TMCC1: variants seen among roughly 807,000 people sequenced by gnomAD.
TMCC1 encodes the protein transmembrane and coiled-coil domains protein 1.
A neutral mutation model predicts 52.4 loss-of-function variants in TMCC1; 15 were observed. That is an observed-to-expected ratio of 0.29 (90% confidence interval 0.19 to 0.44). The LOEUF (loss-of-function observed/expected upper bound fraction) is 0.44. Ranked by LOEUF, TMCC1 falls within the 20% of genes least tolerant of loss-of-function variation. The pLI is 1.00. For synonymous variants in TMCC1, 279 were observed against 301.9 expected (o/e 0.92, Z 0.79); for missense variants, 503 against 806.0 (o/e 0.62, Z 4.55).
chr3:129,874,020 A>G (rs941682194), intron 2 of TMCC1, among the ~76,000 whole-genome samples: 1 of 152,208 alleles, frequency 6.6e-6, no homozygotes, highest in Non-Finnish European at 1.5e-5. Context: ...ATATAAATAT[A>G]TATGTACATA....
rs1440397775 is a variant in TMCC1 at position 129,695,113 on chromosome 3, A to AAAG, written c.577-23850_577-23849insCTT. ...CTCTGTCTCAAAAAAAAAAAAAAAA[A>AAAG]AAAAAAAAAAAAATCATAATTAATA... On this transcript the variant is annotated intron_variant, in intron 4 of 6. Coordinates refer to ENST00000393238, the MANE Select transcript of TMCC1 (RefSeq NM_001017395.5). Among the ~76,000 whole-genome samples the AAAG allele has an allele frequency of 1.1e-3, 109 of 103,434 alleles. 1 individual carries two copies. The highest frequency in any genetic ancestry group is 2.9e-3 in the African/African-American group (92 of 31,244). 67.9% of individuals were successfully genotyped at this position (103,434 alleles called of 152,430 possible). A position where few individuals can be genotyped will look rare whatever the true frequency, so the allele number is the denominator to read the frequency against.
intron 2 of TMCC1, among the ~76,000 whole-genome samples, chr3:129,840,867 G>A (rs1393272617): frequency 2.0e-5 from 3 of 152,114 alleles, no homozygotes; most frequent in African/African-American, 7.2e-5. Flanking sequence ...ATAGCAGTGT[G>A]AAAATGGACT....
At chr3:129,803,832 AATT>A (rs1263635150) in intron 4 of TMCC1, among the ~76,000 whole-genome samples, 1 of 152,134 alleles carries the variant, frequency 6.6e-6, no homozygotes, top group Non-Finnish European at 1.5e-5. Flanking sequence ...TAAAAAAAAT[AATT>A]ATTTTAAAAT....
At chr3:129,784,172 T>G (rs1375733070) in intron 4 of TMCC1, among the ~76,000 whole-genome samples, 1 of 152,184 alleles carries the variant, frequency 6.6e-6, no homozygotes, top group African/African-American at 2.4e-5. Context: ...AAACTTTTTT[T>G]TTTAGCAGCT....
At chr3:129,738,214 T>C (rs976362710) in intron 4 of TMCC1, among the ~76,000 whole-genome samples, 4 of 138,968 alleles carry the variant, frequency 2.9e-5, no homozygotes, top group African/African-American at 1.1e-4. Context: ...GAGGTTGCAG[T>C]GAGCCGAGAT....
rs111525046 is a variant in TMCC1, at chr3:129,659,198, C to T, written c.1512-4095G>A. ...CACTGCAGCCTCAAATTCCAGAGCT[C>T]AAGGGATCCTCCCACCTCAGCCTTC... On this transcript the variant is annotated intron_variant, in intron 5 of 6. Transcript: ENST00000393238. Among the ~76,000 whole-genome samples the T allele has an allele frequency of 4.9e-3, 734 of 150,210 alleles. 4 individuals carry two copies. Among genetic ancestry groups the T allele is most frequent in the African/African-American group, 0.016 (669 of 40,916 alleles).
At chr3:129,722,782 GAACA>G (rs2049725285) in intron 4 of TMCC1, among the ~76,000 whole-genome samples, 1 of 152,162 alleles carries the variant, frequency 6.6e-6, no homozygotes, top group East Asian at 1.9e-4. Flanking sequence ...TATAACCTCA[GAACA>G]AACAGAGATG....
chr3:129,738,818 CT>C (rs199821010), intron 4 of TMCC1, among the ~76,000 whole-genome samples: 1 of 151,824 alleles, frequency 6.6e-6, no homozygotes, highest in Non-Finnish European at 1.5e-5. Context: ...TAATTAAAAT[CT>C]TTTTTTTGTT....
chr3:129,808,631 A>G (rs2057606502), intron 4 of TMCC1, among the ~76,000 whole-genome samples: 2 of 151,844 alleles, frequency 1.3e-5, no homozygotes, highest in Admixed American at 6.5e-5. Context: ...GGTGTATAAA[A>G]AGGGAAGTGT....
intron 4 of TMCC1, among the ~76,000 whole-genome samples, chr3:129,785,372 A>G (rs1265771976): frequency 6.6e-6 from 1 of 152,158 alleles, no homozygotes; most frequent in East Asian, 1.9e-4. Flanking sequence ...ATGCTTTAAA[A>G]TTTCTTGAAG....
intron 4 of TMCC1, among the ~76,000 whole-genome samples, chr3:129,672,316 G>T (rs1447061907): frequency 6.6e-6 from 1 of 152,112 alleles, no homozygotes; most frequent in East Asian, 1.9e-4. Flanking sequence ...AACTGTTCTT[G>T]GCCAGGCACA....
chr3:129,651,590 C>T lies in TMCC1; in HGVS notation c.1853G>A (p.Arg618His). ...GAATAAAGTGCTGAACGTCCTGTTG[C>T]GAGTCTTCATGAGGGGGACCACACA... ...ANCVVPLMKT[R>H]NRTFSTLFLV... The change falls in exon 7 of 7, where the codon CGC (arginine) becomes CAC (histidine). Residue 618 changes from arginine (R) to histidine (H), a missense_variant. This residue lies in a region of TMCC1 where 50 missense variants were observed against 62.6 expected (regional missense o/e 0.80). Transcript: ENST00000393238. The surrounding 1 kb of genome is among the most constrained non-coding windows in gnomAD (Gnocchi z 5.1). The T allele has an allele frequency of 1.2e-6, 2 of 1,614,168 alleles. No homozygotes were observed. The highest frequency in any genetic ancestry group is 1.7e-6 in the Non-Finnish European group (2 of 1,180,042).
rs573505568 is a variant in TMCC1 at position 129,801,761 on chromosome 3, G to A, written c.576+26042C>T. Among the ~76,000 whole-genome samples the A allele has an allele frequency of 4.6e-5, 7 of 152,312 alleles. No homozygotes were observed. In the South Asian group the frequency reaches 1.0e-3, roughly 23 times the overall value. On this transcript the variant is annotated intron_variant, in intron 4 of 6. Coordinates refer to ENST00000393238, the MANE Select transcript of TMCC1 (RefSeq NM_001017395.5). Reference sequence around the variant, plus strand: ...ATGCCTGTTTTTGCATTTGTGAGTTGTTCTCTAGGGTAGATGCTAACATAT... The same window carrying A: ...ATGCCTGTTTTTGCATTTGTGAGTTATTCTCTAGGGTAGATGCTAACATAT...
At chr3:129,768,884 CAG>C (rs1416997999) in intron 4 of TMCC1, among the ~76,000 whole-genome samples, 1 of 152,126 alleles carries the variant, frequency 6.6e-6, no homozygotes, top group East Asian at 1.9e-4. Flanking sequence ...TAAGGCTAAA[CAG>C]AAGCTTGTCA....
At chr3:129,712,881 G>T (rs932993786) in intron 4 of TMCC1, among the ~76,000 whole-genome samples, 16 of 152,150 alleles carry the variant, frequency 1.1e-4, no homozygotes, top group Non-Finnish European at 2.4e-4. Context: ...AAAACCTCTG[G>T]TAGGTTAACT....
Position 129,828,267 on chromosome 3 carries a change from T to C in TMCC1, c.112A>G (p.Thr38Ala). Residue 38 changes from threonine to alanine, a missense_variant, in exon 4 of 7, where the codon ACC (threonine) becomes GCC (alanine). This residue lies in a region of TMCC1 where 217 missense variants were observed against 297.9 expected (regional missense o/e 0.73). Coordinates refer to ENST00000393238, the MANE Select transcript of TMCC1 (RefSeq NM_001017395.5). This position sits in a 1 kb window ranked among gnomAD's most constrained non-coding sequence, Gnocchi z 4.1. ...TESEQKLSKM[T>A]HNALENINVI... ...TTAATGTTCTCCAAAGCATTGTGGG[T>C]CATTTTAGACAATTTTTGTTCTGAT... is the stretch of plus-strand genomic sequence containing the variant. 2 of 1,614,118 alleles carry C rather than the reference T, an allele frequency of 1.2e-6. No individual in the cohort carries two copies. The highest frequency in any genetic ancestry group is 1.7e-6 in the Non-Finnish European group (2 of 1,180,010).
chr3:129,668,782 T>C (rs1391390260), intron 5 of TMCC1, among the ~76,000 whole-genome samples: 3 of 152,014 alleles, frequency 2.0e-5, no homozygotes, highest in East Asian at 1.9e-4. Context: ...TGCGCCACCA[T>C]GCCCAGCTAA....
chr3:129,791,488 T>C (rs1215616378), intron 4 of TMCC1, among the ~76,000 whole-genome samples: 1 of 152,208 alleles, frequency 6.6e-6, no homozygotes, highest in East Asian at 1.9e-4. Context: ...ATTGATCTTG[T>C]CCAAATGACT....
At chr3:129,705,092 T>C (rs1440210263) in intron 4 of TMCC1, among the ~76,000 whole-genome samples, 2 of 152,188 alleles carry the variant, frequency 1.3e-5, no homozygotes, top group East Asian at 3.8e-4. Context: ...TTAAAAAAAT[T>C]CCAAGCTATA....
Sources: allele counts gnomAD v4.1 joint callset (sites outside exome capture counted in the v4.1 genomes callset), GRCh38; gene constraint gnomAD v4.1.1; regional missense constraint gnomAD v4.1.1; non-coding constraint Gnocchi (gnomAD v3.1); transcripts MANE v1.5; gene names NCBI Gene and HGNC (gene_info 2026-07-23, HGNC 2026-07-21).